The following CADPS2 variants were observed in gnomAD, a reference collection of about 807,000 sequenced individuals.
CADPS2 encodes calcium dependent secretion activator 2.
A neutral mutation model predicts 172.5 loss-of-function variants in CADPS2; 93 were observed. The ratio of observed to expected loss-of-function variants is 0.54; its 90% CI spans 0.46 to 0.64. The LOEUF (loss-of-function observed/expected upper bound fraction) is 0.64, where lower values mean the gene tolerates loss of function less well. CADPS2 is among the 30% of genes least tolerant of loss of function. CADPS2 has a pLI of 0.00. For missense variants in CADPS2, 1,420 were observed against 1,565.9 expected (o/e 0.91, Z 1.57); for synonymous variants, 546 against 555.2 (o/e 0.98, Z 0.23).
rs552120170 is a variant in CADPS2, at chr7:122,456,771, C to T, written c.2187-5296G>A. On this transcript the variant is annotated intron_variant, in intron 14 of 29. Transcript: ENST00000449022. ...CATCCCCCTGCAAGCTGCATACACA[C>T]GTGTGCACACAAACACAGACAACAC... is the stretch of plus-strand genomic sequence containing the variant. Among the ~76,000 whole-genome samples the T allele has an allele frequency of 4.6e-5, 7 of 152,306 alleles. No individual in the cohort carries two copies. The East Asian group carries it at 5.8e-4, about 13-fold the overall frequency.
intron 1 of CADPS2, among the ~76,000 whole-genome samples, chr7:122,813,055 G>A (rs1800433043): frequency 6.6e-6 from 1 of 152,106 alleles, no homozygotes; most frequent in African/African-American, 2.4e-5. Context: ...TAACAGGACT[G>A]AGGCCCTATC....
At chr7:122,676,264 G>A (rs935598137) in intron 2 of CADPS2, among the ~76,000 whole-genome samples, 2 of 152,168 alleles carry the variant, frequency 1.3e-5, no homozygotes, top group African/African-American at 4.8e-5. Context: ...CTAAGGGGGA[G>A]TATCTCAATT....
chr7:122,371,539 C>A (rs1040764005), intron 25 of CADPS2, among the ~76,000 whole-genome samples: 1 of 151,836 alleles, frequency 6.6e-6, no homozygotes, highest in African/African-American at 2.4e-5. Flanking sequence ...CCACCTGCTC[C>A]CACCCTTGAC....
intron 20 of CADPS2, among the ~76,000 whole-genome samples, chr7:122,400,985 C>T (rs1400466624): frequency 6.6e-6 from 1 of 152,194 alleles, no homozygotes; most frequent in Non-Finnish European, 1.5e-5. Flanking sequence ...AGGATTTCCA[C>T]CTCTTCATTT....
chr7:122,565,001 C>A (rs1419338823), intron 7 of CADPS2, among the ~76,000 whole-genome samples: 2 of 151,812 alleles, frequency 1.3e-5, no homozygotes, highest in Non-Finnish European at 2.9e-5. Context: ...CATGTTCTCA[C>A]AAATGGGAGT....
In CADPS2 at chr7:122,732,929, A is replaced by G. The variant is rs147604371; in HGVS notation, c.453+4026T>C. Among the ~76,000 whole-genome samples, 55 of 147,300 alleles carry G rather than the reference A, an allele frequency of 3.7e-4. No homozygotes were observed. The East Asian group carries it at 0.01, about 28-fold the overall frequency. On this transcript the variant is annotated intron_variant, in intron 2 of 29. Coordinates refer to ENST00000449022, the MANE Select transcript of CADPS2 (RefSeq NM_017954.11). Reference sequence around the variant, plus strand: ...ATACATTATATATTATGTATAATACATATTATATACAGATTCAGAAATGGC... The same window carrying G: ...ATACATTATATATTATGTATAATACGTATTATATACAGATTCAGAAATGGC...
chr7:122,758,641 G>A (rs2093262603), intron 1 of CADPS2, among the ~76,000 whole-genome samples: 1 of 152,054 alleles, frequency 6.6e-6, no homozygotes, highest in East Asian at 1.9e-4. Context: ...AAGACATAGA[G>A]CAAAAGCTTC....
chr7:122,538,416 AAAG>A (rs1383993991), intron 8 of CADPS2, among the ~76,000 whole-genome samples: 3 of 151,060 alleles, frequency 2.0e-5, no homozygotes, highest in African/African-American at 4.8e-5. Flanking sequence ...AAAAAAAAAA[AAAG>A]AACATTTACC....
intron 15 of CADPS2, among the ~76,000 whole-genome samples, chr7:122,448,707 A>C (rs1324670510): frequency 2.0e-5 from 3 of 152,100 alleles, no homozygotes; most frequent in Non-Finnish European, 4.4e-5. Context: ...TGACTGATTG[A>C]GGCATCCCGT....
chr7:122,676,917 T>C lies in CADPS2; in HGVS notation c.454-13348A>G, dbSNP rs112755028. 2.0e-3 allele frequency: 907 copies of C among 444,096 alleles called. 3 individuals are homozygous for C. Among genetic ancestry groups the C allele is most frequent in the African/African-American group, 0.016 (794 of 50,080 alleles). 27.5% of individuals were successfully genotyped at this position (444,096 alleles called of 1,614,324 possible). Reference sequence around the variant, plus strand: ...TTGGCACTGTTTTGTGCCAGGCTTTTTATCCATCCAAGTCTCCCTCAACCT... The same window carrying C: ...TTGGCACTGTTTTGTGCCAGGCTTTCTATCCATCCAAGTCTCCCTCAACCT... On this transcript the variant is annotated intron_variant, in intron 2 of 29. Transcript: ENST00000449022.
chr7:122,702,968 C>A (rs187208331), intron 2 of CADPS2: 9 of 475,672 alleles, frequency 1.9e-5, no homozygotes, highest in African/African-American at 1.2e-4. Flanking sequence ...TGATTGGTAC[C>A]ATGTGATTTC....
chr7:122,408,035 A>T (rs1329953190), intron 19 of CADPS2, among the ~76,000 whole-genome samples: 1 of 152,056 alleles, frequency 6.6e-6, no homozygotes, highest in African/African-American at 2.4e-5. Flanking sequence ...TCTATTCTGA[A>T]TTTTTTGGTG....
intron 17 of CADPS2, among the ~76,000 whole-genome samples, chr7:122,437,933 T>C (rs2050852033): frequency 6.6e-6 from 1 of 152,120 alleles, no homozygotes; most frequent in Non-Finnish European, 1.5e-5. Flanking sequence ...TCAACAAGTT[T>C]CTTTTTTGAG....
intron 18 of CADPS2, among the ~76,000 whole-genome samples, chr7:122,415,675 A>G (rs2047817589): frequency 6.6e-6 from 1 of 151,494 alleles, no homozygotes; most frequent in African/African-American, 2.4e-5. Flanking sequence ...ATCTTCTTGC[A>G]GAATAGCTCT....
intron 1 of CADPS2, among the ~76,000 whole-genome samples, chr7:122,877,990 T>A (rs570226482): frequency 2.7e-5 from 4 of 147,464 alleles, no homozygotes; most frequent in East Asian, 2.0e-4. Context: ...GCTATACTAC[T>A]GCACTATTTT....
intron 14 of CADPS2, among the ~76,000 whole-genome samples, chr7:122,454,065 T>C (rs1037338305): frequency 2.3e-4 from 35 of 152,196 alleles, no homozygotes; most frequent in African/African-American, 7.7e-4. Flanking sequence ...TTATTGGTAA[T>C]AAATGGTAAC....
At chr7:122,689,361 C>T (rs1372064424) in intron 2 of CADPS2, among the ~76,000 whole-genome samples, 1 of 152,196 alleles carries the variant, frequency 6.6e-6, no homozygotes, top group South Asian at 2.1e-4. Flanking sequence ...TTTTGTAGCA[C>T]CACCTTCCTG....
chr7:122,577,442 T>C (rs545920322), intron 7 of CADPS2, among the ~76,000 whole-genome samples: 38 of 152,246 alleles, frequency 2.5e-4, no homozygotes, highest in African/African-American at 9.2e-4. Context: ...TCTTTTGGGT[T>C]TGACTTCTTC....
intron 2 of CADPS2, among the ~76,000 whole-genome samples, chr7:122,717,186 T>A (rs2089731339): frequency 6.6e-6 from 1 of 152,168 alleles, no homozygotes; most frequent in Non-Finnish European, 1.5e-5. Flanking sequence ...TCACTTGTTA[T>A]AATTGTGAGT....
Sources: allele counts gnomAD v4.1 joint callset (sites outside exome capture counted in the v4.1 genomes callset), GRCh38; gene constraint gnomAD v4.1.1; transcripts MANE v1.5; gene names NCBI Gene and HGNC (gene_info 2026-07-23, HGNC 2026-07-21).